Variants in ARHGEF26 observed in about 807,000 individuals in gnomAD.
ARHGEF26 encodes the protein Rho guanine nucleotide exchange factor 26, also known as Rho guanine nucleotide exchange factor (GEF) 26.
A neutral mutation model predicts 89.4 loss-of-function variants in ARHGEF26; 59 were observed. That is an observed-to-expected ratio of 0.66 (90% CI 0.54 to 0.82). The LOEUF is 0.82. ARHGEF26 is among the 40% of genes least tolerant of loss of function. ARHGEF26 has a pLI of 0.00. For missense variants in ARHGEF26, 1,234 were observed against 1,085.6 expected (o/e 1.14, Z -1.92); for synonymous variants, 500 against 428.4 (o/e 1.17, Z -2.06).
chr3:154,203,485 T>C (rs937109463), intron 9 of ARHGEF26, among the ~76,000 whole-genome samples: 1 of 152,194 alleles, frequency 6.6e-6, no homozygotes, highest in African/African-American at 2.4e-5. Flanking sequence ...TATCATTCTC[T>C]TGTTTGATTG....
chr3:154,208,912 CA>C (rs1025635528), intron 9 of ARHGEF26, among the ~76,000 whole-genome samples: 49 of 151,942 alleles, frequency 3.2e-4, no homozygotes, highest in African/African-American at 1.1e-3. Flanking sequence ...ATTACAGGCA[CA>C]TACCACCATG....
At chr3:154,193,842 G>GTT (rs149514592) in intron 8 of ARHGEF26, among the ~76,000 whole-genome samples, 15 of 150,028 alleles carry the variant, frequency 1.0e-4, no homozygotes, top group Non-Finnish European at 1.3e-4. Context: ...GTTTTTTTGG[G>GTT]TTTTTTTTTG....
chr3:154,144,416 A>AT (rs1719576104), intron 4 of ARHGEF26, among the ~76,000 whole-genome samples: 1 of 152,200 alleles, frequency 6.6e-6, no homozygotes, highest in South Asian at 2.1e-4. Context: ...TAAACATTTG[A>AT]TATAATGGTA....
chr3:154,146,003 C>T (rs1291112618), intron 4 of ARHGEF26, among the ~76,000 whole-genome samples: 2 of 152,146 alleles, frequency 1.3e-5, no homozygotes, highest in Non-Finnish European at 2.9e-5. Context: ...TTGTCTGTTC[C>T]TTTTTAGAGT....
chr3:154,130,282 A>T (rs1718608248), intron 4 of ARHGEF26, among the ~76,000 whole-genome samples: 1 of 151,542 alleles, frequency 6.6e-6, no homozygotes, highest in African/African-American at 2.4e-5. Context: ...CTAGGACTGT[A>T]GGCGTGTGCC....
intron 8 of ARHGEF26, among the ~76,000 whole-genome samples, chr3:154,193,636 C>G (rs1246301765): frequency 6.6e-6 from 1 of 152,140 alleles, no homozygotes; most frequent in African/African-American, 2.4e-5. Flanking sequence ...TTCAGTTAAG[C>G]TTGTTCATTA....
Position 154,256,538 on chromosome 3 carries a change from T to G in ARHGEF26, c.*1065T>G. ...ATGAGCCACCGTGCCCAGCCTACTTTCTAATTAATTAAAAAAAAAAAAAAA... is the reference window on the plus strand; with the variant it reads ...ATGAGCCACCGTGCCCAGCCTACTTGCTAATTAATTAAAAAAAAAAAAAAA... On this transcript the variant is annotated 3_prime_UTR_variant, in exon 15 of 15. Transcript: ENST00000465093. The G allele has an allele frequency of 3.2e-6, 3 of 950,730 alleles. No individual in the cohort carries two copies. Among genetic ancestry groups the G allele is most frequent in the Non-Finnish European group, 1.2e-6 (1 of 811,674 alleles). The allele number at this position is 950,730 out of a possible 1,614,324, so 58.9% of individuals were successfully genotyped here. A position where few individuals can be genotyped will look rare whatever the true frequency, so the allele number is the denominator to read the frequency against.
chr3:154,149,401 G>C lies in ARHGEF26; in HGVS notation c.1282G>C (p.Gly428Arg), dbSNP rs1244416147. The change falls in exon 5 of 15, where the codon GGA becomes CGA. Residue 428 changes from glycine to arginine, a missense_variant. Physicochemically the swap from Gly to Arg is moderately radical, Grantham distance 125. Transcript: ENST00000465093. ...WSQLSAVKRK[G>R]LSQTVSQEER... is the part of the protein sequence containing the mutation. ...CTTTTTCTCCTAGGTGAAAAGAAAG[G>C]GATTATCTCAGACAGTAAGCCAGGA... 7.5e-6 allele frequency: 12 copies of C among 1,606,710 alleles called. No homozygotes were observed. Among genetic ancestry groups the C allele is most frequent in the Non-Finnish European group, 9.4e-6 (11 of 1,176,250 alleles).
intron 3 of ARHGEF26, among the ~76,000 whole-genome samples, chr3:154,125,307 A>T (rs1049678811): frequency 6.6e-6 from 1 of 152,212 alleles, no homozygotes; most frequent in African/African-American, 2.4e-5. Flanking sequence ...TTTTATAAAG[A>T]TGAGTTTCCC....
chr3:154,207,038 C>T (rs1247758898), intron 9 of ARHGEF26, among the ~76,000 whole-genome samples: 1 of 152,142 alleles, frequency 6.6e-6, no homozygotes, highest in African/African-American at 2.4e-5. Flanking sequence ...ATAAATGGTA[C>T]TGGAAGAACT....
intron 5 of ARHGEF26, among the ~76,000 whole-genome samples, chr3:154,150,734 A>C (rs942859469): frequency 1.3e-5 from 2 of 152,136 alleles, no homozygotes; most frequent in African/African-American, 4.8e-5. Context: ...AAGCTCCTCC[A>C]AGATATTAAT....
At chr3:154,167,437 G>A (rs1369713624) in intron 6 of ARHGEF26, among the ~76,000 whole-genome samples, 1 of 152,068 alleles carries the variant, frequency 6.6e-6, no homozygotes, top group African/African-American at 2.4e-5. Flanking sequence ...TTCCTCCTTT[G>A]TCAAATTAAT....
intron 6 of ARHGEF26, among the ~76,000 whole-genome samples, chr3:154,180,830 T>C (rs16823768): frequency 0.024 from 3,633 of 151,980 alleles, 131 homozygotes; most frequent in African/African-American, 0.083. Flanking sequence ...CAGATCAGGA[T>C]GTAGGTAGGA....
intron 6 of ARHGEF26, among the ~76,000 whole-genome samples, chr3:154,154,437 A>G (rs1720205229): frequency 6.6e-6 from 1 of 152,080 alleles, no homozygotes; most frequent in South Asian, 2.1e-4. Context: ...AAAAGCCCAT[A>G]GACACTCCAA....
rs76875027 is a variant in ARHGEF26, at chr3:154,221,495, T to C, written c.1935+3537T>C. On this transcript the variant is annotated intron_variant, in intron 10 of 14. Coordinates refer to ENST00000465093, the MANE Select transcript of ARHGEF26 (RefSeq NM_015595.4). Reference sequence around the variant, plus strand: ...TCTAAGAATTCTACAGATGTACTCATGAATGTATAAAATTAAACACACACT... The same window carrying C: ...TCTAAGAATTCTACAGATGTACTCACGAATGTATAAAATTAAACACACACT... Among the ~76,000 whole-genome samples, 513 of 152,314 alleles carry C rather than the reference T, an allele frequency of 3.4e-3. 1 individual carries two copies. Among genetic ancestry groups the C allele is most frequent in the African/African-American group, 0.012 (484 of 41,576 alleles).
At chr3:154,197,193 C>A (rs1714346448) in intron 9 of ARHGEF26, among the ~76,000 whole-genome samples, 1 of 152,166 alleles carries the variant, frequency 6.6e-6, no homozygotes, top group African/African-American at 2.4e-5. Context: ...TCCTTTCTCT[C>A]TATTGAGCAT....
intron 11 of ARHGEF26, among the ~76,000 whole-genome samples, chr3:154,237,435 G>A (rs913295751): frequency 3.9e-5 from 6 of 151,900 alleles, no homozygotes; most frequent in Admixed American, 3.3e-4. Flanking sequence ...CCAGCTACAC[G>A]GGAGGCTGAG....
chr3:154,229,031 G>T (rs1317914103), intron 11 of ARHGEF26, among the ~76,000 whole-genome samples: 1 of 152,124 alleles, frequency 6.6e-6, no homozygotes, highest in Non-Finnish European at 1.5e-5. Flanking sequence ...CTGGCAGAAG[G>T]TTTATACTGG....
Position 154,217,966 on chromosome 3 carries a change from C to A in ARHGEF26, c.1935+8C>A, listed in dbSNP as rs1227909440. ...CTGGAATTTAAAATTAAGGTATTCTCGTACCTTGTTCATTACTGTTCTTGC... is the reference window on the plus strand; with the variant it reads ...CTGGAATTTAAAATTAAGGTATTCTAGTACCTTGTTCATTACTGTTCTTGC... On this transcript the variant is annotated splice_region_variant and intron_variant, in intron 10 of 14. Coordinates refer to ENST00000465093, the MANE Select transcript of ARHGEF26 (RefSeq NM_015595.4). 1 of 1,564,336 alleles carries A rather than the reference C, an allele frequency of 6.4e-7. No individual in the cohort carries two copies. Among genetic ancestry groups the A allele is most frequent in the Non-Finnish European group, 8.7e-7 (1 of 1,150,398 alleles).
Sources: gnomAD v4.1 joint callset for allele counts (sites outside exome capture counted in the v4.1 genomes callset) on GRCh38, gnomAD v4.1.1 for gene constraint, MANE v1.5 for transcripts, NCBI Gene and HGNC (gene_info 2026-07-23, HGNC 2026-07-21) for gene names.